Variants in CDH5 observed in about 807,000 individuals in gnomAD.
CDH5 encodes the protein cadherin-5.
A neutral mutation model predicts 62.0 loss-of-function variants in CDH5; 28 were observed. The observed-to-expected ratio is 0.45, with a 90% CI of 0.33 to 0.62. The LOEUF (loss-of-function observed/expected upper bound fraction) is 0.62, where lower values mean the gene tolerates loss of function less well. CDH5 is among the 20% of genes least tolerant of loss of function. CDH5 has a pLI of 0.02. For synonymous variants in CDH5, 464 were observed against 445.8 expected (o/e 1.04, Z -0.52); for missense variants, 940 against 1,065.1 (o/e 0.88, Z 1.63).
intron 8 of CDH5, among the ~76,000 whole-genome samples, chr16:66,396,432 C>T (rs574609675): frequency 5.9e-5 from 9 of 152,284 alleles, no homozygotes; most frequent in South Asian, 4.1e-4. Context: ...CACACTGAAT[C>T]GGAATCTCAT....
rs200897127 is a variant in CDH5, at chr16:66,396,157, C to T, written c.1316C>T (p.Pro439Leu). ...AAAGAACTGGACAGAGAAGTCTACC[C>T]CTGGTATAACCTGACTGTGGAGGCC... ...NEKELDREVY[P>L]WYNLTVEAKE... Residue 439 changes from proline (P) to leucine (L), a missense_variant, in exon 8 of 12, where the codon CCC (proline) becomes CTC (leucine). Pro to Leu is a moderately conservative substitution (Grantham distance 98). Coordinates refer to ENST00000341529, the MANE Select transcript of CDH5 (RefSeq NM_001795.5). 1.7e-5 allele frequency: 28 copies of T among 1,614,174 alleles called. No individual in the cohort carries two copies. In the East Asian group the frequency reaches 6.0e-4, roughly 35 times the overall value.
chr16:66,397,837 T>C (rs552916338), intron 8 of CDH5, 145 bp from the exon 9 acceptor site: 3 of 815,892 alleles, frequency 3.7e-6, no homozygotes, highest in Non-Finnish European at 5.9e-6. Flanking sequence ...ACTCCTTTTA[T>C]CCAGAACACC....
At chr16:66,383,045 C>T (rs919929193) in intron 2 of CDH5, among the ~76,000 whole-genome samples, 1 of 152,120 alleles carries the variant, frequency 6.6e-6, no homozygotes, top group African/African-American at 2.4e-5. Flanking sequence ...AGACAAATTC[C>T]AACAGAGGGG....
chr16:66,378,941 C>T (rs1255281138), intron 1 of CDH5, among the ~76,000 whole-genome samples: 1 of 152,146 alleles, frequency 6.6e-6, no homozygotes, highest in East Asian at 1.9e-4. Flanking sequence ...TATGGGCGAT[C>T]GGTCAGAGTG....
chr16:66,389,585 G>T, intron 5 of CDH5, 63 bp downstream of exon 5: 1 of 1,371,512 alleles, frequency 7.3e-7, no homozygotes, highest in Non-Finnish European at 9.8e-7. Context: ...AGTGACTTGG[G>T]GCTCTGGGAA....
Position 66,403,294 on chromosome 16 carries a change from CCCAGAGA to C in CDH5, c.*128_*134del, listed in dbSNP as rs2142349101. On this transcript the variant is annotated 3_prime_UTR_variant, in exon 12 of 12. Coordinates refer to ENST00000341529, the MANE Select transcript of CDH5 (RefSeq NM_001795.5). This position sits in a 1 kb window ranked among gnomAD's most constrained non-coding sequence, Gnocchi z 4.3. Reference sequence around the variant, plus strand: ...AGCCCAGCACCCCTTCCTCGTGGGTCCCAGAGACCTCATCAGCCTTGGGATAGCAAAC... The same window carrying C: ...AGCCCAGCACCCCTTCCTCGTGGGTCCCTCATCAGCCTTGGGATAGCAAAC... 2.5e-6 allele frequency: 2 copies of C among 799,108 alleles called. No individual in the cohort carries two copies. The highest frequency in any genetic ancestry group is 3.5e-5 in the African/African-American group (2 of 57,772). The allele number at this position is 799,108 out of a possible 1,614,324, so 49.5% of individuals were successfully genotyped here.
intron 1 of CDH5, among the ~76,000 whole-genome samples, chr16:66,371,388 C>A (rs1192570603): frequency 1.3e-5 from 2 of 152,172 alleles, no homozygotes; most frequent in Non-Finnish European, 2.9e-5. Context: ...CAGCGCCCTG[C>A]CCCTCATCCC....
chr16:66,388,385 C>T lies in CDH5; in HGVS notation c.561C>T (p.Ala187=), dbSNP rs868477631. 1 of 1,614,112 alleles carries T rather than the reference C, an allele frequency of 6.2e-7. No individual in the cohort carries two copies. The highest frequency in any genetic ancestry group is 1.6e-4 in the Middle Eastern group (1 of 6,062). ...ACGACCCCACTGTGGGAGACCACGC[C>T]TCTGTCATGTACCAAATCCTGAAGG... ...DADDPTVGDH[A]SVMYQILKGK... is the part of the protein sequence containing the mutation. The change falls in exon 4 of 12, where the codon GCC becomes GCT. Residue 187 remains alanine, a synonymous_variant. Transcript: ENST00000341529.
chr16:66,367,678 A>C (rs1960612015), intron 1 of CDH5, among the ~76,000 whole-genome samples: 1 of 152,156 alleles, frequency 6.6e-6, no homozygotes, highest in Non-Finnish European at 1.5e-5. Context: ...CAACTCCACA[A>C]GGTAGATACA....
intron 1 of CDH5, among the ~76,000 whole-genome samples, chr16:66,372,164 G>T (rs1286634224): frequency 6.6e-6 from 1 of 152,186 alleles, no homozygotes; most frequent in Non-Finnish European, 1.5e-5. Context: ...CAGTCTGTAT[G>T]CTCCCACAGC....
intron 2 of CDH5, among the ~76,000 whole-genome samples, chr16:66,382,775 G>T (rs914529891): frequency 1.3e-5 from 2 of 152,162 alleles, no homozygotes; most frequent in Non-Finnish European, 2.9e-5. Context: ...CAAGGACAGG[G>T]CTCCAAGGAT....
At chr16:66,396,831 C>T (rs1187026908) in intron 8 of CDH5, among the ~76,000 whole-genome samples, 1 of 152,124 alleles carries the variant, frequency 6.6e-6, no homozygotes, top group Non-Finnish European at 1.5e-5. Flanking sequence ...CCCACTTTAC[C>T]CAGGAGCCCG....
At chr16:66,393,095 A>C (rs1961117799) in intron 7 of CDH5, 1 of 152,258 alleles carries the variant, frequency 6.6e-6, no homozygotes, top group Admixed American at 6.5e-5. Context: ...AGAGCCATAT[A>C]ATATGCAATA....
At chr16:66,381,729 C>G (rs1304787485) in intron 2 of CDH5, among the ~76,000 whole-genome samples, 1 of 152,310 alleles carries the variant, frequency 6.6e-6, no homozygotes, top group Non-Finnish European at 1.5e-5. Context: ...GATCAGCAAA[C>G]TACCCCCTGC....
At chr16:66,371,923 G>A (rs901981685) in intron 1 of CDH5, among the ~76,000 whole-genome samples, 6 of 149,240 alleles carry the variant, frequency 4.0e-5, no homozygotes, top group Non-Finnish European at 5.9e-5. Flanking sequence ...TCCCCTCCCC[G>A]CCCTTCCCTT....
chr16:66,380,493 G>A (rs116939155), intron 2 of CDH5, among the ~76,000 whole-genome samples: 3,213 of 151,210 alleles, frequency 0.021, 44 homozygotes, highest in Non-Finnish European at 0.031. Context: ...TGGTGATCAC[G>A]ATGATGGCGG....
At chr16:66,401,042 A>T in intron 11 of CDH5, 26 bp downstream of exon 11, 1 of 1,613,386 alleles carries the variant, frequency 6.2e-7, no homozygotes, top group Non-Finnish European at 8.5e-7. Flanking sequence ...GGTGGGGAGA[A>T]GACACAGTGG....
intron 2 of CDH5, among the ~76,000 whole-genome samples, chr16:66,381,928 C>T (rs1424870213): frequency 2.0e-5 from 3 of 152,228 alleles, no homozygotes; most frequent in Non-Finnish European, 4.4e-5. Context: ...AACAGTTTAC[C>T]CATCCTGGTC....
chr16:66,367,620 C>T (rs1450740855), intron 1 of CDH5, among the ~76,000 whole-genome samples: 2 of 152,178 alleles, frequency 1.3e-5, no homozygotes, highest in Non-Finnish European at 2.9e-5. Flanking sequence ...GTTTCCAAAC[C>T]ACAGTGGGGA....
Sources: gnomAD v4.1 joint callset for allele counts (sites outside exome capture counted in the v4.1 genomes callset) on GRCh38, gnomAD v4.1.1 for gene constraint, Gnocchi (gnomAD v3.1) non-coding constraint, MANE v1.5 for transcripts, NCBI Gene and HGNC (gene_info 2026-07-23, HGNC 2026-07-21) for gene names.